DMP1: variants seen among roughly 807,000 people sequenced by gnomAD.
DMP1 encodes dentin matrix protein 1.
In DMP1, 20 loss-of-function variants were observed where a neutral mutation model predicts 14.6. That is an observed-to-expected ratio of 1.37 (90% CI 0.96 to 1.99). The LOEUF (loss-of-function observed/expected upper bound fraction) is 1.99, where lower values mean the gene tolerates loss of function less well. DMP1 is among the 30% of genes most tolerant of loss of function. The pLI is 0.00. For synonymous variants in DMP1, 197 were observed against 215.3 expected (o/e 0.91, Z 0.75); for missense variants, 567 against 620.5 (o/e 0.91, Z 0.92).
intron 5 of DMP1, among the ~76,000 whole-genome samples, 182 bp downstream of exon 5, chr4:87,659,660 C>G (rs550580831): frequency 1.3e-5 from 2 of 152,290 alleles, no homozygotes; most frequent in South Asian, 4.1e-4. Flanking sequence ...TGCAGACATG[C>G]TATTCATCTT....
intron 5 of DMP1, chr4:87,660,632 A>G (rs569195311): frequency 1.3e-5 from 2 of 152,372 alleles, no homozygotes; most frequent in East Asian, 1.9e-4. Context: ...TTTTGGGAGC[A>G]TAATGTATGA....
rs1728788714 is a variant in DMP1, at chr4:87,659,261, C to T, written c.135+9C>T. 1 of 1,614,002 alleles carries T rather than the reference C, an allele frequency of 6.2e-7. No individual in the cohort carries two copies. ...CACCAACACCACCCTTGGTAACTAT[C>T]TCATTTACTTTTGTCATAAACATCT... On this transcript the variant is annotated intron_variant, in intron 4 of 5. Transcript: ENST00000339673.
Position 87,663,036 on chromosome 4 carries a change from G to A in DMP1, c.1258G>A (p.Glu420Lys). Residue 420 changes from glutamate (E) to lysine (K), a missense_variant, in exon 6 of 6, where the codon GAG becomes AAG. Transcript: ENST00000339673. Reference protein sequence around the residue: ...ESLNFSEESPESPEDENSSSQ... With the variant: ...ESLNFSEESPKSPEDENSSSQ... Reference sequence around the variant, plus strand: ...CCTCAACTTCTCAGAGGAAAGCCCGGAGTCCCCTGAGGATGAGAACAGCTC... The same window carrying A: ...CCTCAACTTCTCAGAGGAAAGCCCGAAGTCCCCTGAGGATGAGAACAGCTC... The A allele has an allele frequency of 1.2e-6, 2 of 1,614,170 alleles. No homozygotes were observed. The highest frequency in any genetic ancestry group is 1.7e-6 in the Non-Finnish European group (2 of 1,180,012).
chr4:87,652,321 C>T (rs1210976808), intron 1 of DMP1, among the ~76,000 whole-genome samples: 1 of 152,080 alleles, frequency 6.6e-6, no homozygotes, highest in Non-Finnish European at 1.5e-5. Context: ...GAATAGTAGC[C>T]AAAATGTTTA....
At position 87,656,515 on chromosome 4, in the gene DMP1, T is replaced by C; in HGVS notation, c.23T>C (p.Met8Thr). 4 of 1,610,502 alleles carry C rather than the reference T, an allele frequency of 2.5e-6. No individual in the cohort carries two copies. The East Asian group carries it at 8.9e-5, about 36-fold the overall frequency. Residue 8 changes from methionine (M) to threonine (T), a missense_variant, in exon 2 of 6, where the codon ATG becomes ACG. Transcript: ENST00000339673. ...ACTATGAAGATCAGCATCCTGCTCA[T>C]GTTCCTTTGGGGATTATCCTGTGCT... The part of the protein sequence containing the change: MKISILL[M>T]FLWGLSCALP...
Position 87,663,239 on chromosome 4 carries a change from GA to G in DMP1, c.1462del (p.Ser488AlafsTer4), listed in dbSNP as rs1313821729. 3 of 1,614,050 alleles carry G rather than the reference GA, an allele frequency of 1.9e-6. No individual in the cohort carries two copies. The highest frequency in any genetic ancestry group is 1.6e-4 in the Middle Eastern group (1 of 6,084). On this transcript the variant is annotated frameshift_variant, in exon 6 of 6. Coordinates refer to ENST00000339673, the MANE Select transcript of DMP1 (RefSeq NM_004407.4). LOFTEE classifies it high-confidence loss of function. ...DGQLKNIEIESRKLTVDAYHN... is the reference protein window; with the variant it reads ...DGQLKNIEIEXRKLTVDAYHN... ...GCCAGTTGAAAAACATTGAGATAGA[GA>G]GCCGGAAATTAACAGTTGATGCCTA...
At chr4:87,655,997 A>C (rs1450911371) in intron 1 of DMP1, among the ~76,000 whole-genome samples, 1 of 152,206 alleles carries the variant, frequency 6.6e-6, no homozygotes. Flanking sequence ...ATACTTCACT[A>C]ATTTGAAGTG....
chr4:87,656,496 A>G lies in DMP1; in HGVS notation c.4A>G (p.Lys2Glu), dbSNP rs1027020354. Residue 2 changes from lysine to glutamate, a missense_variant, in exon 2 of 6, where the codon AAG becomes GAG. Transcript: ENST00000339673. MKISILLMFLWG... is the reference protein window; with the variant it reads MEISILLMFLWG... ...GGTAGAGGTATCACACCCAACTATG[A>G]AGATCAGCATCCTGCTCATGTTCCT... 1 of 1,606,884 alleles carries G rather than the reference A, an allele frequency of 6.2e-7. No homozygotes were observed. The highest frequency in any genetic ancestry group is 8.5e-7 in the Non-Finnish European group (1 of 1,173,610).
At position 87,662,769 on chromosome 4, in the gene DMP1, C is replaced by G. The variant is rs979599440; in HGVS notation, c.991C>G (p.Gln331Glu). 5 of 1,613,580 alleles carry G rather than the reference C, an allele frequency of 3.1e-6. No homozygotes were observed. The African/African-American group carries it at 5.3e-5, about 17-fold the overall frequency. Reference protein sequence around the residue: ...SKENLSQEESQNVDGPSSESS... With the variant: ...SKENLSQEESENVDGPSSESS... ...GGAGAATCTGTCCCAGGAAGAGAGC[C>G]AAAACGTAGATGGTCCCAGCAGTGA... The change falls in exon 6 of 6, where the codon CAA becomes GAA. Residue 331 changes from glutamine (Q) to glutamate (E), a missense_variant. Coordinates refer to ENST00000339673, the MANE Select transcript of DMP1 (RefSeq NM_004407.4).
chr4:87,653,406 T>TAATATATATATATATA (rs1728581624), intron 1 of DMP1, among the ~76,000 whole-genome samples: 1 of 102,716 alleles, frequency 9.7e-6, no homozygotes, highest in Non-Finnish European at 2.0e-5. Context: ...TATATATATA[T>TAATATATATATATATA]ATATATATAT....
chr4:87,657,179 A>C, intron 3 of DMP1, 100 bp downstream of exon 3: 1 of 720,018 alleles, frequency 1.4e-6, no homozygotes. Context: ...TAATGACTTC[A>C]TCAGCATATT....
At chr4:87,661,578 CT>C (rs1728880753) in intron 5 of DMP1, among the ~76,000 whole-genome samples, 1 of 151,186 alleles carries the variant, frequency 6.6e-6, no homozygotes, top group Non-Finnish European at 1.5e-5. Flanking sequence ...CCAAGATGGT[CT>C]CGATCTCTTG....
chr4:87,651,692 G>C (rs1728533977), intron 1 of DMP1, among the ~76,000 whole-genome samples: 1 of 151,926 alleles, frequency 6.6e-6, no homozygotes, highest in African/African-American at 2.4e-5. Context: ...TGAGAATATG[G>C]GCTAGAAAAG....
At position 87,663,492 on chromosome 4, in the gene DMP1, CA is replaced by C. The variant is rs1728994179; in HGVS notation, c.*173del. On this transcript the variant is annotated 3_prime_UTR_variant, in exon 6 of 6. Coordinates refer to ENST00000339673, the MANE Select transcript of DMP1 (RefSeq NM_004407.4). ...TTGTTTTTAGGGTGTCATCATTTCA[CA>C]GAGGTTTAAATACTGTGGAGTGACA... 1 of 958,238 alleles carries C rather than the reference CA, an allele frequency of 1.0e-6. No individual in the cohort carries two copies. The highest frequency in any genetic ancestry group is 1.6e-6 in the Non-Finnish European group (1 of 634,502). 59.4% of individuals were successfully genotyped at this position (958,238 alleles called of 1,614,324 possible).
chr4:87,659,300 T>C lies in DMP1; in HGVS notation c.135+48T>C, dbSNP rs1315857774. 4 of 1,607,852 alleles carry C rather than the reference T, an allele frequency of 2.5e-6. No individual in the cohort carries two copies. In the South Asian group the frequency reaches 4.4e-5, roughly 18 times the overall value. ...TCATAAACATCTCATGAAGTAACTTTAACACTCTTCCAGTTGCCTTTTACA... is the reference window on the plus strand; with the variant it reads ...TCATAAACATCTCATGAAGTAACTTCAACACTCTTCCAGTTGCCTTTTACA... On this transcript the variant is annotated intron_variant, in intron 4 of 5. Coordinates refer to ENST00000339673, the MANE Select transcript of DMP1 (RefSeq NM_004407.4).
chr4:87,662,662 CT>C lies in DMP1; in HGVS notation c.885del (p.Thr296GlnfsTer38), dbSNP rs1728943446. 6.2e-7 allele frequency: 1 copy of C among 1,614,004 alleles called. No individual in the cohort carries two copies. The highest frequency in any genetic ancestry group is 1.1e-5 in the South Asian group (1 of 91,080). ...ACAATGGAAGAAGTCAAGAGTGACT[CT>C]ACAGAAAACAGCAACTCCAGAGACA... ...NNTMEEVKSD[S>X]TENSNSRDTG... On this transcript the variant is annotated frameshift_variant, in exon 6 of 6. Transcript: ENST00000339673. LOFTEE classifies it low-confidence loss of function (END_TRUNC).
chr4:87,655,974 A>G (rs1440413850), intron 1 of DMP1, among the ~76,000 whole-genome samples: 7 of 152,186 alleles, frequency 4.6e-5, no homozygotes, highest in African/African-American at 1.7e-4. Context: ...TTGAGTTATA[A>G]TCTATACACC....
chr4:87,663,637 A>G lies in DMP1; in HGVS notation c.*317A>G, dbSNP rs946743175. 2.4e-6 allele frequency: 1 copy of G among 412,784 alleles called. No individual in the cohort carries two copies. 25.6% of individuals were successfully genotyped at this position (412,784 alleles called of 1,614,324 possible). The stretch of plus-strand genomic sequence containing the variant: ...AGCTATTGGGTGTCCATGATATACC[A>G]GGCACTATGCTAGGTGTTGAGAATG... On this transcript the variant is annotated 3_prime_UTR_variant, in exon 6 of 6. Coordinates refer to ENST00000339673, the MANE Select transcript of DMP1 (RefSeq NM_004407.4).
At position 87,662,952 on chromosome 4, in the gene DMP1, C is replaced by G. The variant is rs774418486; in HGVS notation, c.1174C>G (p.Leu392Val). ...CAGCGAGGAGGACAGCTCGCACACA[C>G]TCTCCCACTCAAAAAGTGAATCCAG... ...DSSEEDSSHT[L>V]SHSKSESREE... Residue 392 changes from leucine (L) to valine (V), a missense_variant, in exon 6 of 6, where the codon CTC becomes GTC. Coordinates refer to ENST00000339673, the MANE Select transcript of DMP1 (RefSeq NM_004407.4). 2 of 1,614,168 alleles carry G rather than the reference C, an allele frequency of 1.2e-6. No homozygotes were observed. Among genetic ancestry groups the G allele is most frequent in the East Asian group, 4.5e-5 (2 of 44,874 alleles).
Sources: gnomAD v4.1 joint callset for allele counts (sites outside exome capture counted in the v4.1 genomes callset) on GRCh38, gnomAD v4.1.1 for gene constraint, MANE v1.5 for transcripts, NCBI Gene and HGNC (gene_info 2026-07-23, HGNC 2026-07-21) for gene names.